Variants in LTBP2 observed in about 807,000 individuals in gnomAD.
LTBP2 encodes the protein latent-transforming growth factor beta-binding protein 2.
A neutral mutation model predicts 210.6 loss-of-function variants in LTBP2; 103 were observed. The observed-to-expected ratio is 0.49, with a 90% CI of 0.42 to 0.58. The LOEUF (loss-of-function observed/expected upper bound fraction) is 0.58. LTBP2 is among the 20% of genes least tolerant of loss of function. The pLI is 0.00. For synonymous variants in LTBP2, 1,007 were observed against 1,015.0 expected (o/e 0.99, Z 0.15); for missense variants, 2,313 against 2,494.5 (o/e 0.93, Z 1.55).
chr14:74,517,295 C>T (rs575976658), intron 17 of LTBP2, among the ~76,000 whole-genome samples: 6 of 152,298 alleles, frequency 3.9e-5, no homozygotes, highest in East Asian at 1.9e-4. Flanking sequence ...ACTCCCACCC[C>T]GCTCCTGGCC....
chr14:74,559,704 C>T (rs2087769959), intron 3 of LTBP2: 1 of 152,226 alleles, frequency 6.6e-6, no homozygotes, highest in Admixed American at 6.5e-5. Flanking sequence ...TCTTTGCACT[C>T]ATTTCCTTTA....
At chr14:74,608,715 G>GA (rs5809673) in intron 1 of LTBP2, among the ~76,000 whole-genome samples, 46,203 of 116,076 alleles carry the variant, frequency 0.4, 8,959 homozygotes, top group Non-Finnish European at 0.53. Flanking sequence ...TCAAAAAAAA[G>GA]AAAAAAAAAA....
intron 3 of LTBP2, among the ~76,000 whole-genome samples, chr14:74,585,026 G>A (rs1020064763): frequency 1.3e-5 from 2 of 152,148 alleles, no homozygotes; most frequent in African/African-American, 4.8e-5. Flanking sequence ...AGCAGAAAGC[G>A]AATGGAAAAA....
chr14:74,544,283 G>C (rs1384748464), intron 8 of LTBP2, among the ~76,000 whole-genome samples: 4 of 152,226 alleles, frequency 2.6e-5, no homozygotes, highest in Non-Finnish European at 4.4e-5. Context: ...GCAAATGCTT[G>C]TGCCGGGTGC....
intron 17 of LTBP2, among the ~76,000 whole-genome samples, chr14:74,520,674 G>A (rs929539392): frequency 3.3e-5 from 5 of 152,086 alleles, no homozygotes; most frequent in South Asian, 2.1e-4. Flanking sequence ...GGTGGCAGGC[G>A]CCTGTAGTCC....
At chr14:74,572,756 C>T (rs2088002418) in intron 3 of LTBP2, among the ~76,000 whole-genome samples, 1 of 152,028 alleles carries the variant, frequency 6.6e-6, no homozygotes, top group Non-Finnish European at 1.5e-5. Flanking sequence ...CACACACACG[C>T]ATACACACAC....
chr14:74,521,978 C>T lies in LTBP2; in HGVS notation c.2721G>A (p.Gly907=), dbSNP rs2087208999. Residue 907 remains glycine (G), a synonymous_variant, in exon 17 of 36, where the codon GGG becomes GGA. Coordinates refer to ENST00000261978, the MANE Select transcript of LTBP2 (RefSeq NM_000428.3). ...CAGGGTAGCAGAAGCAGGAGTAGGA[C>T]CCCACGCGGTTGATGCAGCGCCCTT... ...KGKGRCINRV[G]SYSCFCYPGY... 6.2e-7 allele frequency: 1 copy of T among 1,614,154 alleles called. No individual in the cohort carries two copies. Among genetic ancestry groups the T allele is most frequent in the Non-Finnish European group, 8.5e-7 (1 of 1,179,996 alleles).
chr14:74,501,298 C>T (rs1197631256), intron 35 of LTBP2, 143 bp downstream of exon 35: 3 of 1,342,830 alleles, frequency 2.2e-6, no homozygotes, highest in Admixed American at 3.4e-5. Flanking sequence ...ATAATTAAAC[C>T]TTCCTTTGGC....
chr14:74,538,223 C>T (rs1050986288), intron 8 of LTBP2, among the ~76,000 whole-genome samples: 15 of 152,120 alleles, frequency 9.9e-5, no homozygotes, highest in Admixed American at 8.5e-4. Flanking sequence ...TCTCTGGGCA[C>T]TTACACACTT....
intron 9 of LTBP2, among the ~76,000 whole-genome samples, chr14:74,534,544 G>A (rs934850674): frequency 6.6e-6 from 1 of 152,066 alleles, no homozygotes; most frequent in Non-Finnish European, 1.5e-5. Flanking sequence ...CTGGGAAGGC[G>A]CCCCCACCAT....
chr14:74,512,760 C>T (rs530334597), intron 18 of LTBP2, among the ~76,000 whole-genome samples: 4 of 152,342 alleles, frequency 2.6e-5, no homozygotes, highest in South Asian at 4.1e-4. Context: ...TGAGATAAGG[C>T]GCATCTCTGG....
Position 74,503,612 on chromosome 14 carries a change from G to A in LTBP2, c.4583-6C>T. On this transcript the variant is annotated splice_polypyrimidine_tract_variant and splice_region_variant and intron_variant, in intron 31 of 35. Coordinates refer to ENST00000261978, the MANE Select transcript of LTBP2 (RefSeq NM_000428.3). ...GTCCTGGCACTCATCGTGATCTGGGGAGGCAGGAAAGGGTGGGGCATTGCC... is the reference window on the plus strand; with the variant it reads ...GTCCTGGCACTCATCGTGATCTGGGAAGGCAGGAAAGGGTGGGGCATTGCC... 6 of 1,613,448 alleles carry A rather than the reference G, an allele frequency of 3.7e-6. No individual in the cohort carries two copies. Among genetic ancestry groups the A allele is most frequent in the Non-Finnish European group, 5.1e-6 (6 of 1,180,010 alleles).
intron 18 of LTBP2, among the ~76,000 whole-genome samples, chr14:74,513,238 C>G (rs1159438117): frequency 6.6e-6 from 1 of 152,228 alleles, no homozygotes; most frequent in African/African-American, 2.4e-5. Context: ...ATGTGGCATT[C>G]CAGCTCTCCA....
chr14:74,509,610 G>A, intron 21 of LTBP2, 124 bp downstream of exon 21: 1 of 1,405,740 alleles, frequency 7.1e-7, no homozygotes, highest in Non-Finnish European at 9.9e-7. Flanking sequence ...TCCATTTATG[G>A]GGTCTTCTAG....
Position 74,511,293 on chromosome 14 carries a change from A to G in LTBP2, c.2980T>C (p.Cys994Arg). 2 of 1,614,068 alleles carry G rather than the reference A, an allele frequency of 1.2e-6. No individual in the cohort carries two copies. Reference sequence around the variant, plus strand: ...CGGTAGCCCTCCTCACAGGCCAGACAAGTGTAGGAGCCAGGGGAATTGACG... The same window carrying G: ...CGGTAGCCCTCCTCACAGGCCAGACGAGTGTAGGAGCCAGGGGAATTGACG... ...RCVNSPGSYT[C>R]LACEEGYRGQ... Residue 994 changes from cysteine (C) to arginine (R), a missense_variant, in exon 19 of 36, where the codon TGT becomes CGT. Physicochemically the swap from Cys to Arg is radical, Grantham distance 180. Coordinates refer to ENST00000261978, the MANE Select transcript of LTBP2 (RefSeq NM_000428.3).
chr14:74,516,570 G>A (rs1223347620), intron 18 of LTBP2, among the ~76,000 whole-genome samples: 1 of 152,200 alleles, frequency 6.6e-6, no homozygotes, highest in Non-Finnish European at 1.5e-5. Flanking sequence ...CAGAGGAGAT[G>A]TTCCTAAGGT....
In LTBP2 at chr14:74,502,762, A is replaced by G. The variant is rs561011462; in HGVS notation, c.5061T>C (p.Pro1687=). ...YNYLGPEDTV[P]EPAFPNTAGH... is the part of the protein sequence containing the mutation. ...CGGCTGTGTTGGGGAAGGCAGGCTCAGGGACGGTGTCCTCGGGGCCCAGGT... is the reference window on the plus strand; with the variant it reads ...CGGCTGTGTTGGGGAAGGCAGGCTCGGGGACGGTGTCCTCGGGGCCCAGGT... The change falls in exon 34 of 36, where the codon CCT becomes CCC. Residue 1687 remains proline (P), a synonymous_variant. Transcript: ENST00000261978. The G allele has an allele frequency of 8.6e-5, 139 of 1,614,184 alleles. 1 individual carries two copies. The South Asian group carries it at 1.4e-3, about 16-fold the overall frequency.
chr14:74,506,868 TGTGTGTGTGTGC>T (rs1566614326), intron 26 of LTBP2, 45 bp from the exon 27 acceptor site: 2 of 1,552,118 alleles, frequency 1.3e-6, no homozygotes, highest in Admixed American at 1.9e-5. Context: ...TGTGTGTGTG[TGTGTGTGTGTGC>T]GCGCGCGCGT....
intron 3 of LTBP2, among the ~76,000 whole-genome samples, chr14:74,576,878 A>G (rs1176109791): frequency 1.3e-5 from 2 of 152,192 alleles, no homozygotes; most frequent in Non-Finnish European, 2.9e-5. Context: ...AATAACAAGC[A>G]TTTGCAAGGC....
Sources: gnomAD v4.1 joint callset for allele counts (sites outside exome capture counted in the v4.1 genomes callset) on GRCh38, gnomAD v4.1.1 for gene constraint, MANE v1.5 for transcripts, NCBI Gene and HGNC (gene_info 2026-07-23, HGNC 2026-07-21) for gene names.